Variants in FLI1 observed in about 807,000 individuals in gnomAD.
FLI1 encodes Fli-1 proto-oncogene, ETS transcription factor, also known as Friend leukemia integration 1 transcription factor.
Under a neutral mutation model 53.1 loss-of-function variants are expected in FLI1, and 13 were observed. The ratio of observed to expected loss-of-function variants is 0.24; its 90% CI spans 0.16 to 0.39. The LOEUF is 0.39. FLI1 is among the 10% of genes least tolerant of loss of function. The pLI, the probability that FLI1 is intolerant of heterozygous loss-of-function variation, is 1.00. For missense variants in FLI1, 424 were observed against 600.5 expected (o/e 0.71, Z 3.07); for synonymous variants, 244 against 236.7 (o/e 1.03, Z -0.28).
intron 1 of FLI1, among the ~76,000 whole-genome samples, chr11:128,741,498 G>A (rs1940138712): frequency 6.6e-6 from 1 of 152,238 alleles, no homozygotes; most frequent in African/African-American, 2.4e-5. Context: ...ACTTACTGTG[G>A]ACTCTCTCTC....
intron 1 of FLI1, among the ~76,000 whole-genome samples, chr11:128,726,026 C>T (rs907138916): frequency 2.7e-4 from 41 of 152,194 alleles, no homozygotes; most frequent in African/African-American, 9.7e-4. Context: ...CTCCGTGCTT[C>T]AGCTGAGCCC....
chr11:128,799,049 A>ATTTTTTT (rs1184910280), intron 5 of FLI1, among the ~76,000 whole-genome samples: 4 of 137,276 alleles, frequency 2.9e-5, no homozygotes. Flanking sequence ...TATTATTATT[A>ATTTTTTT]TTATTTTGCT....
chr11:128,762,925 C>T lies in FLI1; in HGVS notation c.230+4599C>T, dbSNP rs185554013. ...GAGCCGAGATCATGCCACTGGACTC[C>T]GGTCTGGGCAACAAAAGTGAAACAC... On this transcript the variant is annotated intron_variant, in intron 2 of 8. Coordinates refer to ENST00000527786, the MANE Select transcript of FLI1 (RefSeq NM_002017.5). 3.5e-4 allele frequency among the ~76,000 whole-genome samples: 53 copies of T among 151,580 alleles called. No homozygotes were observed. In the East Asian group the frequency reaches 7.2e-3, roughly 21 times the overall value.
chr11:128,686,681 G>T (rs1865809690), exon 1 of FLI1: 1 of 350,298 alleles, frequency 2.9e-6, no homozygotes, highest in African/African-American at 2.1e-5. Flanking sequence ...GACAGTCCCC[G>T]ACACGTCGTC....
chr11:128,741,972 A>G (rs566314247), intron 1 of FLI1, among the ~76,000 whole-genome samples: 1 of 152,128 alleles, frequency 6.6e-6, no homozygotes, highest in South Asian at 2.1e-4. Flanking sequence ...TGCTTTCCAG[A>G]ATGCTTTTGA....
At chr11:128,774,852 A>G (rs1415128244) in intron 4 of FLI1, among the ~76,000 whole-genome samples, 1 of 152,218 alleles carries the variant, frequency 6.6e-6, no homozygotes, top group African/African-American at 2.4e-5. Context: ...CAGATGCTGA[A>G]GTGAGACAAA....
At chr11:128,702,643 C>T (rs937373919) in intron 1 of FLI1, among the ~76,000 whole-genome samples, 11 of 152,314 alleles carry the variant, frequency 7.2e-5, no homozygotes, top group African/African-American at 2.4e-4. Context: ...GGGTGGATCA[C>T]CTGAGGTCAG....
chr11:128,776,326 G>A (rs559647098), intron 4 of FLI1, among the ~76,000 whole-genome samples: 51 of 152,122 alleles, frequency 3.4e-4, no homozygotes, highest in Non-Finnish European at 6.3e-4. Flanking sequence ...GACTGTGATG[G>A]CTGGGGTGGC....
intron 1 of FLI1, among the ~76,000 whole-genome samples, chr11:128,734,996 G>T (rs1939858793): frequency 6.6e-6 from 1 of 152,110 alleles, no homozygotes. Flanking sequence ...ACGGAAGGGA[G>T]TCCAGAGGGT....
At chr11:128,762,868 AT>A (rs1169305356) in intron 2 of FLI1, among the ~76,000 whole-genome samples, 2 of 152,182 alleles carry the variant, frequency 1.3e-5, no homozygotes, top group African/African-American at 2.4e-5. Flanking sequence ...AGGCAGGAGA[AT>A]TGCTTGAATC....
At chr11:128,730,628 C>T (rs1939657581) in intron 1 of FLI1, among the ~76,000 whole-genome samples, 2 of 152,236 alleles carry the variant, frequency 1.3e-5, no homozygotes, top group East Asian at 1.9e-4. Flanking sequence ...CAAGCCCTGA[C>T]ACCCACTCCT....
At chr11:128,708,161 G>A (rs376966008) in intron 1 of FLI1, among the ~76,000 whole-genome samples, 5 of 152,296 alleles carry the variant, frequency 3.3e-5, no homozygotes, top group African/African-American at 9.6e-5. Context: ...GTGCATGGGG[G>A]AGGAAGCTTT....
At chr11:128,781,901 T>G (rs1361469407) in intron 4 of FLI1, 57 bp from the exon 5 acceptor site, 2 of 1,365,414 alleles carry the variant, frequency 1.5e-6, no homozygotes, top group African/African-American at 2.9e-5. Context: ...TGTCATCTCC[T>G]ACTCTTGATC....
chr11:128,802,497 AG>A (rs563450001), intron 5 of FLI1, among the ~76,000 whole-genome samples: 418 of 152,332 alleles, frequency 2.7e-3, no homozygotes, highest in African/African-American at 9.7e-3. Context: ...ACACCAGCTT[AG>A]GGCATGGCCT....
intron 5 of FLI1, among the ~76,000 whole-genome samples, chr11:128,790,069 CGT>C (rs765614434): frequency 0.037 from 5,256 of 143,026 alleles, 254 homozygotes; most frequent in African/African-American, 0.12. Context: ...TGCATGCATG[CGT>C]GTGTGTGTGT....
At chr11:128,756,506 A>C (rs529052673) in intron 1 of FLI1, among the ~76,000 whole-genome samples, 190 of 152,322 alleles carry the variant, frequency 1.2e-3, no homozygotes, top group Non-Finnish European at 2.1e-3. Flanking sequence ...GGGCTTCAGC[A>C]TATGAATTTT....
chr11:128,739,617 G>GCCC (rs1176194301), intron 1 of FLI1, among the ~76,000 whole-genome samples: 5 of 152,132 alleles, frequency 3.3e-5, no homozygotes, highest in Non-Finnish European at 5.9e-5. Context: ...AGTGGTGTGG[G>GCCC]CAGGGGGAGC....
intron 1 of FLI1, among the ~76,000 whole-genome samples, chr11:128,748,548 A>T (rs984495635): frequency 4.6e-5 from 7 of 152,164 alleles, no homozygotes; most frequent in African/African-American, 1.7e-4. Flanking sequence ...CAGGAGAATT[A>T]CTTGACCCTG....
chr11:128,740,226 A>G (rs1413458904), intron 1 of FLI1, among the ~76,000 whole-genome samples: 1 of 152,344 alleles, frequency 6.6e-6, no homozygotes, highest in South Asian at 2.1e-4. Flanking sequence ...ACCATCTCCA[A>G]CCTGAAAGGT....
Sources: gnomAD v4.1 joint callset for allele counts (sites outside exome capture counted in the v4.1 genomes callset) on GRCh38, gnomAD v4.1.1 for gene constraint, MANE v1.5 for transcripts, NCBI Gene and HGNC (gene_info 2026-07-23, HGNC 2026-07-21) for gene names.